The following PSIP1 variants were observed in gnomAD, a reference collection of about 807,000 sequenced individuals.
PSIP1 encodes the protein PC4 and SFRS1-interacting protein.
Under a neutral mutation model 74.7 loss-of-function variants are expected in PSIP1, and 19 were observed. That is an observed-to-expected ratio of 0.25 (90% CI 0.18 to 0.37). The LOEUF is 0.37. PSIP1 is among the 10% of genes least tolerant of loss of function. The pLI, the probability that PSIP1 is intolerant of heterozygous loss-of-function variation, is 1.00. For synonymous variants in PSIP1, 222 were observed against 195.3 expected (o/e 1.14, Z -1.14); for missense variants, 601 against 614.3 (o/e 0.98, Z 0.23).
chr9:15,501,975 G>C (rs949844123), intron 3 of PSIP1, among the ~76,000 whole-genome samples: 2 of 151,928 alleles, frequency 1.3e-5, no homozygotes, highest in East Asian at 3.9e-4. Context: ...GCAGGAGGGA[G>C]GCATTACCAC....
chr9:15,504,462 T>C (rs777109133), intron 3 of PSIP1, among the ~76,000 whole-genome samples: 54 of 152,118 alleles, frequency 3.5e-4, no homozygotes, highest in Non-Finnish European at 6.0e-4. Flanking sequence ...TCAGGATATA[T>C]AGAAGTATAA....
intron 10 of PSIP1, chr9:15,470,937 A>T: frequency 3.1e-5 from 5 of 163,882 alleles, no homozygotes; most frequent in Non-Finnish European, 5.6e-5. Flanking sequence ...GCTTGGTTAA[A>T]AAAAAAAAAA....
rs1324190322 is a variant in PSIP1, at chr9:15,501,852, TATATATATATATATAA to T, written c.149+4693_149+4708del. On this transcript the variant is annotated intron_variant, in intron 3 of 15. Transcript: ENST00000380733. ...TTATATAAAACAGCATATATATATA[TATATATATATATATAA>T]AACGCACACCCTCCCATATACTTTA... 5.4e-5 allele frequency among the ~76,000 whole-genome samples: 8 copies of T among 146,852 alleles called. No homozygotes were observed. In the East Asian group the frequency reaches 1.6e-3, roughly 29 times the overall value.
chr9:15,465,589 A>AAGGGGGAAAGGTACAACTGG lies in PSIP1; in HGVS notation c.1533-29_1533-10dup, dbSNP rs1361939345. The AAGGGGGAAAGGTACAACTGG allele has an allele frequency of 6.4e-7, 1 of 1,564,336 alleles. No individual in the cohort carries two copies. Among genetic ancestry groups the AAGGGGGAAAGGTACAACTGG allele is most frequent in the Non-Finnish European group, 8.8e-7 (1 of 1,141,226 alleles). On this transcript the variant is annotated splice_polypyrimidine_tract_variant and intron_variant, in intron 15 of 15. Coordinates refer to ENST00000380733, the MANE Select transcript of PSIP1 (RefSeq NM_033222.5). The stretch of plus-strand genomic sequence containing the variant: ...TCTCTTCACTGGATGGCCTGAAGAA[A>AAGGGGGAAAGGTACAACTGG]AGGGGGAAAGGTACAACTGGAATTA...
At chr9:15,499,240 T>A (rs528906696) in intron 3 of PSIP1, among the ~76,000 whole-genome samples, 1 of 152,306 alleles carries the variant, frequency 6.6e-6, no homozygotes, top group East Asian at 1.9e-4. Context: ...TAATAAAATA[T>A]TCATGCTATT....
intron 9 of PSIP1, among the ~76,000 whole-genome samples, chr9:15,473,419 G>A (rs1012370742): frequency 6.6e-6 from 1 of 152,118 alleles, no homozygotes; most frequent in Non-Finnish European, 1.5e-5. Flanking sequence ...GAAAGGTACT[G>A]TTTACTTAAT....
chr9:15,503,919 G>A (rs779311292), intron 3 of PSIP1, among the ~76,000 whole-genome samples: 3 of 152,044 alleles, frequency 2.0e-5, no homozygotes, highest in Non-Finnish European at 4.4e-5. Context: ...GCTAATTTTT[G>A]TATTTTCAGT....
chr9:15,497,436 C>A (rs558105472), intron 3 of PSIP1, among the ~76,000 whole-genome samples: 8 of 150,470 alleles, frequency 5.3e-5, no homozygotes, highest in African/African-American at 2.0e-4. Flanking sequence ...AAACAATTCT[C>A]CTGCCTTAGC....
chr9:15,507,132 C>A (rs879734791), intron 2 of PSIP1, among the ~76,000 whole-genome samples: 2 of 152,158 alleles, frequency 1.3e-5, no homozygotes, highest in African/African-American at 2.4e-5. Flanking sequence ...ATCAGTACCT[C>A]CCAAAGTCTG....
chr9:15,500,873 T>A (rs956598279), intron 3 of PSIP1, among the ~76,000 whole-genome samples: 6 of 152,186 alleles, frequency 3.9e-5, no homozygotes, highest in Admixed American at 3.3e-4. Flanking sequence ...GCAAAGGTAA[T>A]TAGTCACCAA....
At chr9:15,470,562 A>T (rs2132040749) in intron 10 of PSIP1, 2 of 917,578 alleles carry the variant, frequency 2.2e-6, no homozygotes, top group African/African-American at 3.6e-5. Context: ...AATTTCTAGT[A>T]CCTTGGCTTA....
intron 3 of PSIP1, among the ~76,000 whole-genome samples, chr9:15,492,433 A>G (rs2036874972): frequency 6.6e-6 from 1 of 152,208 alleles, no homozygotes; most frequent in Admixed American, 6.5e-5. Context: ...CAAATGCAAG[A>G]GGTGAGCTCC....
Position 15,489,978 on chromosome 9 carries a change from T to C in PSIP1, c.288+8A>G, listed in dbSNP as rs1587510188. 6.5e-7 allele frequency: 1 copy of C among 1,549,968 alleles called. No individual in the cohort carries two copies. Among genetic ancestry groups the C allele is most frequent in the South Asian group, 1.2e-5 (1 of 82,268 alleles). ...AAGTAATATCAAATTTTATGTAATATGACTTACCTGTTGACTTGAAAATTT... is the reference window on the plus strand; with the variant it reads ...AAGTAATATCAAATTTTATGTAATACGACTTACCTGTTGACTTGAAAATTT... On this transcript the variant is annotated splice_region_variant and intron_variant, in intron 4 of 15. Transcript: ENST00000380733.
chr9:15,510,297 G>C lies in PSIP1; in HGVS notation c.-109C>G. 1 of 855,110 alleles carries C rather than the reference G, an allele frequency of 1.2e-6. No homozygotes were observed. Among genetic ancestry groups the C allele is most frequent in the Non-Finnish European group, 1.7e-6 (1 of 584,764 alleles). 53.0% of individuals were successfully genotyped at this position (855,110 alleles called of 1,614,324 possible). On this transcript the variant is annotated 5_prime_UTR_variant, in exon 2 of 16. Coordinates refer to ENST00000380733, the MANE Select transcript of PSIP1 (RefSeq NM_033222.5). ...GCCCAGCTACCGGGCCCGCGGGCGG[G>C]GGAGGATGCCTCGGGGCGTCCCGAC...
intron 3 of PSIP1, among the ~76,000 whole-genome samples, chr9:15,501,041 C>T (rs2037319045): frequency 6.6e-6 from 1 of 152,142 alleles, no homozygotes; most frequent in Admixed American, 6.6e-5. Context: ...AAGCATTATT[C>T]ATGTCATGTC....
chr9:15,487,678 T>C (rs559897835), intron 4 of PSIP1, among the ~76,000 whole-genome samples: 22 of 152,318 alleles, frequency 1.4e-4, no homozygotes, highest in African/African-American at 5.3e-4. Flanking sequence ...TTTAGACAGA[T>C]GTCTTCCCAT....
rs749753689 is a variant in PSIP1 at position 15,490,138 on chromosome 9, G to A, written c.150-14C>T. ...CCTAAAAAAGCACTAAAAAAGAAGT[G>A]GGGAAGATGTGAGTGCAAAGCAAGC... On this transcript the variant is annotated splice_polypyrimidine_tract_variant and intron_variant, in intron 3 of 15. Transcript: ENST00000380733. The A allele has an allele frequency of 1.3e-6, 2 of 1,566,236 alleles. No individual in the cohort carries two copies. The highest frequency in any genetic ancestry group is 4.6e-5 in the East Asian group (2 of 43,538).
At chr9:15,488,010 T>A (rs758183558) in intron 4 of PSIP1, among the ~76,000 whole-genome samples, 26 of 152,248 alleles carry the variant, frequency 1.7e-4, no homozygotes, top group Admixed American at 9.2e-4. Context: ...ATGGCACATG[T>A]GAAGAAATAA....
chr9:15,481,995 C>T lies in PSIP1; in HGVS notation c.457-2308G>A, dbSNP rs113047514. Among the ~76,000 whole-genome samples the T allele has an allele frequency of 8.1e-4, 124 of 152,242 alleles. 2 individuals carry two copies. The highest frequency in any genetic ancestry group is 2.5e-3 in the African/African-American group (104 of 41,558). ...ATTTAAACATCTTAAATGCTAATAT[C>T]TTAAACTACTGACTACAGATTTATT... On this transcript the variant is annotated intron_variant, in intron 6 of 15. Transcript: ENST00000380733.
Sources: allele counts gnomAD v4.1 joint callset (sites outside exome capture counted in the v4.1 genomes callset), GRCh38; gene constraint gnomAD v4.1.1; transcripts MANE v1.5; gene names NCBI Gene and HGNC (gene_info 2026-07-23, HGNC 2026-07-21).